EEFSEC: variants seen among roughly 807,000 people sequenced by gnomAD.
EEFSEC encodes selenocysteine-specific elongation factor.
A neutral mutation model predicts 42.1 loss-of-function variants in EEFSEC; 43 were observed. That is an observed-to-expected ratio of 1.02 (90% confidence interval 0.80 to 1.32). The LOEUF is 1.32. Among genes scored for constraint, EEFSEC ranks in the 40% most tolerant of loss-of-function variants. The pLI, the probability that EEFSEC is intolerant of heterozygous loss-of-function variation, is 0.00. For missense variants in EEFSEC, 745 were observed against 803.6 expected (o/e 0.93, Z 0.88); for synonymous variants, 354 against 339.1 (o/e 1.04, Z -0.48).
chr3:128,318,571 G>A (rs1241696394), intron 4 of EEFSEC, among the ~76,000 whole-genome samples: 1 of 152,198 alleles, frequency 6.6e-6, no homozygotes, highest in Non-Finnish European at 1.5e-5. Flanking sequence ...GTTAGAAATG[G>A]CGGGCCCCTC....
intron 1 of EEFSEC, among the ~76,000 whole-genome samples, chr3:128,239,606 C>G (rs1306035284): frequency 1.3e-5 from 2 of 152,236 alleles, no homozygotes; most frequent in African/African-American, 2.4e-5. Context: ...GCACCCCTCT[C>G]TATGAATTCC....
At chr3:128,165,958 G>A (rs901454981) in intron 1 of EEFSEC, among the ~76,000 whole-genome samples, 1 of 152,198 alleles carries the variant, frequency 6.6e-6, no homozygotes, top group African/African-American at 2.4e-5. Context: ...CCTGTTTGTG[G>A]TCATTTCCAG....
At chr3:128,339,569 C>G (rs1387058646) in intron 4 of EEFSEC, among the ~76,000 whole-genome samples, 1 of 152,172 alleles carries the variant, frequency 6.6e-6, no homozygotes, top group African/African-American at 2.4e-5. Context: ...TCCTGATTTA[C>G]AAACTGTGAA....
chr3:128,379,872 A>T (rs1197731130), intron 6 of EEFSEC, among the ~76,000 whole-genome samples: 1 of 152,186 alleles, frequency 6.6e-6, no homozygotes, highest in Non-Finnish European at 1.5e-5. Context: ...TCCATCACAG[A>T]GGTGGATGAA....
the EEFSEC span, among the ~76,000 whole-genome samples, chr3:128,419,894 A>T: frequency 6.6e-6 from 1 of 151,828 alleles, no homozygotes; most frequent in Non-Finnish European, 1.5e-5. Flanking sequence ...GGGTTCAGAC[A>T]CCCCCATGGG....
rs551011958 is a variant in EEFSEC at position 128,170,381 on chromosome 3, A to G, written c.316+16558A>G. ...GTTCGAGACCAGCCTAGCCAACATG[A>G]CGAAACCCCGTCTCTACTAAAACTA... On this transcript the variant is annotated intron_variant, in intron 1 of 6. Transcript: ENST00000254730. Among the ~76,000 whole-genome samples, 8 of 152,102 alleles carry G rather than the reference A, an allele frequency of 5.3e-5. No homozygotes were observed. In the South Asian group the frequency reaches 1.7e-3, roughly 32 times the overall value.
chr3:128,208,879 T>A (rs1043929802), intron 1 of EEFSEC, among the ~76,000 whole-genome samples: 1 of 152,234 alleles, frequency 6.6e-6, no homozygotes, highest in African/African-American at 2.4e-5. Flanking sequence ...AATGCTTACC[T>A]TTGAATTCCC....
intron 1 of EEFSEC, among the ~76,000 whole-genome samples, chr3:128,200,521 C>G (rs188255873): frequency 1.4e-4 from 22 of 152,286 alleles, no homozygotes; most frequent in African/African-American, 5.1e-4. Context: ...CTCCCCACCT[C>G]AGGTGATCCG....
chr3:128,211,886 GTC>G (rs1307431301), intron 1 of EEFSEC, among the ~76,000 whole-genome samples: 9 of 89,374 alleles, frequency 1.0e-4, no homozygotes, highest in African/African-American at 3.5e-4. Flanking sequence ...TTGAGACAGA[GTC>G]TTGCTGTGTT....
At chr3:128,192,736 G>T (rs2065538925) in intron 1 of EEFSEC, among the ~76,000 whole-genome samples, 1 of 152,154 alleles carries the variant, frequency 6.6e-6, no homozygotes, top group African/African-American at 2.4e-5. Context: ...GCATATATTT[G>T]TTGGGGGAGG....
intron 1 of EEFSEC, among the ~76,000 whole-genome samples, chr3:128,210,861 C>T (rs2065748749): frequency 6.6e-6 from 1 of 152,224 alleles, no homozygotes; most frequent in African/African-American, 2.4e-5. Flanking sequence ...ATCAGGCCAG[C>T]TGGGCATCAC....
chr3:128,326,052 T>G (rs1024357709), intron 4 of EEFSEC, among the ~76,000 whole-genome samples: 3 of 152,138 alleles, frequency 2.0e-5, no homozygotes, highest in Non-Finnish European at 2.9e-5. Flanking sequence ...GCTGGACCAG[T>G]GTGATCTTGT....
At chr3:128,260,400 T>G (rs1015141613) in intron 2 of EEFSEC, among the ~76,000 whole-genome samples, 2 of 152,146 alleles carry the variant, frequency 1.3e-5, no homozygotes, top group African/African-American at 4.8e-5. Context: ...TCCATGAAAT[T>G]TGAGAAGTTT....
At chr3:128,402,087 C>T (rs1407734566) in intron 6 of EEFSEC, among the ~76,000 whole-genome samples, 6 of 152,180 alleles carry the variant, frequency 3.9e-5, no homozygotes, top group African/African-American at 7.2e-5. Context: ...AGCTGGATGC[C>T]GGAGGCCACA....
At position 128,341,640 on chromosome 3, in the gene EEFSEC, C is replaced by G. The variant is rs764563444; in HGVS notation, c.1194C>G (p.Ala398=). The change falls in exon 5 of 7, where the codon GCC becomes GCG. Residue 398 remains alanine (A), a synonymous_variant. Transcript: ENST00000254730. ...VTDNDEADKK[A]GQATEGHCPR... is the part of the protein sequence containing the mutation. ...ACAATGATGAGGCCGACAAGAAGGC[C>G]GGCCAGGCCACAGAGGGCCATTGTC... The G allele has an allele frequency of 6.2e-7, 1 of 1,613,968 alleles. No homozygotes were observed. Among genetic ancestry groups the G allele is most frequent in the South Asian group, 1.1e-5 (1 of 91,090 alleles).
intron 4 of EEFSEC, among the ~76,000 whole-genome samples, chr3:128,339,398 C>T (rs1468403850): frequency 1.3e-5 from 2 of 152,186 alleles, no homozygotes; most frequent in African/African-American, 2.4e-5. Context: ...TCAAAATTCT[C>T]TTTAGTTTAA....
chr3:128,260,336 C>G (rs1216077656), intron 2 of EEFSEC, among the ~76,000 whole-genome samples: 1 of 152,078 alleles, frequency 6.6e-6, no homozygotes, highest in African/African-American at 2.4e-5. Context: ...GTGTGGGTGT[C>G]TTTGAGTTTA....
At chr3:128,236,692 A>T (rs547799349) in intron 1 of EEFSEC, among the ~76,000 whole-genome samples, 1 of 152,158 alleles carries the variant, frequency 6.6e-6, no homozygotes, top group African/African-American at 2.4e-5. Context: ...CCTCAAACGC[A>T]TGTGGAGGCT....
At chr3:128,156,260 T>C (rs1944379853) in intron 1 of EEFSEC, among the ~76,000 whole-genome samples, 1 of 152,200 alleles carries the variant, frequency 6.6e-6, no homozygotes, top group African/African-American at 2.4e-5. Context: ...TGACTTTTCT[T>C]GTGTATTTGC....
Sources: allele counts gnomAD v4.1 joint callset (sites outside exome capture counted in the v4.1 genomes callset), GRCh38; gene constraint gnomAD v4.1.1; transcripts MANE v1.5; gene names NCBI Gene and HGNC (gene_info 2026-07-23, HGNC 2026-07-21).